The following RHCE variants were observed in gnomAD, a reference collection of about 807,000 sequenced individuals.
RHCE encodes Rh blood group CcEe antigens.
In RHCE, 22 loss-of-function variants were observed where a neutral mutation model predicts 43.8. The ratio of observed to expected loss-of-function variants is 0.50; its 90% CI spans 0.36 to 0.72. RHCE has a LOEUF of 0.72. Among genes scored for constraint, RHCE ranks in the 30% least tolerant of loss-of-function variants. The pLI, the probability that RHCE is intolerant of heterozygous loss-of-function variation, is 0.00. For missense variants in RHCE, 385 were observed against 525.4 expected, an observed-to-expected ratio of 0.73 and a Z score of 2.61; for synonymous variants, 156 against 210.7, an observed-to-expected ratio of 0.74 and a Z score of 2.25.
intron 2 of RHCE, among the ~76,000 whole-genome samples, chr1:25,403,829 G>T (rs1646829748): frequency 6.6e-6 from 1 of 151,758 alleles, no homozygotes; most frequent in African/African-American, 2.4e-5. Flanking sequence ...TATTATAAGA[G>T]CATTTTGTAA....
intron 7 of RHCE, among the ~76,000 whole-genome samples, chr1:25,381,462 T>TC (rs1200265823): frequency 2.0e-5 from 3 of 151,188 alleles, no homozygotes; most frequent in Non-Finnish European, 4.4e-5. Context: ...TTTTTCTTTT[T>TC]TTTTTTTTTT....
chr1:25,388,325 A>G (rs1646247908), intron 6 of RHCE, among the ~76,000 whole-genome samples: 1 of 129,036 alleles, frequency 7.7e-6, no homozygotes, highest in African/African-American at 3.0e-5. Flanking sequence ...AGAAAGATCC[A>G]TCCACTTAGA....
chr1:25,394,430 A>C (rs989046674), intron 3 of RHCE, among the ~76,000 whole-genome samples: 5 of 151,718 alleles, frequency 3.3e-5, no homozygotes, highest in African/African-American at 4.8e-5. Flanking sequence ...GTCTGTACTC[A>C]AAAAAAATCA....
intron 7 of RHCE, among the ~76,000 whole-genome samples, chr1:25,383,739 G>C (rs1646067652): frequency 6.6e-6 from 1 of 152,068 alleles, no homozygotes; most frequent in South Asian, 2.1e-4. Flanking sequence ...CACTCACCCT[G>C]ATGAGAGTTG....
At chr1:25,397,757 G>A (rs1029671942) in intron 3 of RHCE, among the ~76,000 whole-genome samples, 17 of 149,396 alleles carry the variant, frequency 1.1e-4, no homozygotes, top group African/African-American at 3.2e-4. Flanking sequence ...CTTTCCCTGC[G>A]TTACACTTCT....
chr1:25,388,094 C>T (rs577235062), intron 6 of RHCE, among the ~76,000 whole-genome samples: 1 of 151,326 alleles, frequency 6.6e-6, no homozygotes, highest in Non-Finnish European at 1.5e-5. Context: ...GCGTGAGCCA[C>T]TGCGCCCAGC....
upstream of RHCE, among the ~76,000 whole-genome samples, chr1:25,422,843 A>C (rs1043210289): frequency 6.6e-6 from 1 of 152,156 alleles, no homozygotes; most frequent in Non-Finnish European, 1.5e-5. Context: ...GGCATTAGTT[A>C]GATTCTCCTA....
intron 8 of RHCE, among the ~76,000 whole-genome samples, chr1:25,370,761 T>C (rs1645583251): frequency 6.6e-6 from 1 of 150,654 alleles, no homozygotes; most frequent in African/African-American, 2.5e-5. Context: ...TTATTTTATT[T>C]ATTTTGAGAC....
chr1:25,417,114 CCTCT>C (rs1314941276), intron 1 of RHCE, among the ~76,000 whole-genome samples: 2 of 149,168 alleles, frequency 1.3e-5, no homozygotes, highest in Non-Finnish European at 3.0e-5. Context: ...TTTCAATGTG[CCTCT>C]CTAACAGATA....
intron 7 of RHCE, among the ~76,000 whole-genome samples, chr1:25,384,855 G>A (rs892111461): frequency 6.6e-6 from 1 of 152,148 alleles, no homozygotes; most frequent in Non-Finnish European, 1.5e-5. Context: ...TCAGTAGGCG[G>A]TTGTGAGAAT....
chr1:25,389,440 T>G (rs1306987599), intron 5 of RHCE, among the ~76,000 whole-genome samples: 3 of 152,006 alleles, frequency 2.0e-5, no homozygotes, highest in Non-Finnish European at 2.9e-5. Context: ...GAAGAATGGG[T>G]TTTTGTTTTA....
chr1:25,379,254 G>C (rs530979556), intron 7 of RHCE, among the ~76,000 whole-genome samples: 1 of 151,274 alleles, frequency 6.6e-6, no homozygotes, highest in South Asian at 2.1e-4. Context: ...TCTCATCATA[G>C]GGGCCCCACC....
At chr1:25,372,532 A>AC (rs1453174430) in intron 8 of RHCE, among the ~76,000 whole-genome samples, 1 of 151,384 alleles carries the variant, frequency 6.6e-6, no homozygotes, top group African/African-American at 2.4e-5. Context: ...AAAAAAAAAA[A>AC]GAATTTCTCT....
chr1:25,371,948 GTTA>G (rs35720300), intron 8 of RHCE, among the ~76,000 whole-genome samples: 10,023 of 151,108 alleles, frequency 0.066, 1,249 homozygotes, highest in African/African-American at 0.23. Context: ...GCATGACGCA[GTTA>G]TTAGCTTGAA....
intron 7 of RHCE, among the ~76,000 whole-genome samples, chr1:25,380,988 G>A (rs1323024232): frequency 2.1e-5 from 3 of 142,284 alleles, no homozygotes; most frequent in African/African-American, 8.0e-5. Flanking sequence ...TGCAAGCTCT[G>A]CCTCCCGGGT....
chr1:25,400,144 G>A (rs1324594500), intron 3 of RHCE, among the ~76,000 whole-genome samples: 6 of 151,902 alleles, frequency 3.9e-5, no homozygotes, highest in Admixed American at 6.6e-5. Flanking sequence ...CCTCTCTATC[G>A]GATTATTGCC....
chr1:25,379,461 A>G (rs1450403298), intron 7 of RHCE, among the ~76,000 whole-genome samples: 2 of 19,390 alleles, frequency 1.0e-4, no homozygotes, highest in African/African-American at 3.6e-4. Context: ...GTATATATAT[A>G]TATATATATA....
chr1:25,383,710 T>G (rs1305247185), intron 7 of RHCE, among the ~76,000 whole-genome samples: 3 of 151,982 alleles, frequency 2.0e-5, no homozygotes, highest in Non-Finnish European at 4.4e-5. Context: ...AGAGGATAAC[T>G]GCTTCTTGGT....
intron 1 of RHCE, among the ~76,000 whole-genome samples, chr1:25,416,543 G>A (rs556432552): frequency 5.3e-5 from 8 of 152,218 alleles, no homozygotes; most frequent in South Asian, 2.1e-4. Flanking sequence ...GATTACAGGC[G>A]TGAGCCACCG....
Sources: allele counts gnomAD v4.1 joint callset (sites outside exome capture counted in the v4.1 genomes callset), GRCh38; gene constraint gnomAD v4.1.1; transcripts MANE v1.5; gene names NCBI Gene and HGNC (gene_info 2026-07-23, HGNC 2026-07-21).